The following C5orf58 variants were observed in gnomAD, a reference collection of about 807,000 sequenced individuals.
The protein encoded by C5orf58 is putative uncharacterized protein C5orf58.
C5orf58 carries 2 observed loss-of-function variants against 2.9 expected under a neutral mutation model. That is an observed-to-expected ratio of 0.69 (90% CI 0.28 to 2.18). The LOEUF (loss-of-function observed/expected upper bound fraction) is 2.18. Ranked by LOEUF, C5orf58 falls within the 30% of genes most tolerant of loss-of-function variation. The probability of loss-of-function intolerance (pLI) is 0.13; values close to 1 mark genes in which losing one functional copy is unlikely to be tolerated. For missense variants in C5orf58, 96 were observed against 91.7 expected (o/e 1.05, Z -0.19); for synonymous variants, 37 against 33.4 (o/e 1.11, Z -0.37).
intron 3 of C5orf58, chr5:170,237,382 T>C (rs1029651880): frequency 1.3e-5 from 5 of 398,058 alleles, no homozygotes; most frequent in African/African-American, 2.1e-5. Flanking sequence ...ACTATTGCCA[T>C]TGGCATTTAC....
At chr5:170,244,624 C>T (rs1761172263) in intron 3 of C5orf58, among the ~76,000 whole-genome samples, 1 of 151,956 alleles carries the variant, frequency 6.6e-6, no homozygotes, top group Non-Finnish European at 1.5e-5. Flanking sequence ...TGGTTTTCAG[C>T]TCCATCAGCT....
In C5orf58 at chr5:170,246,185, T is replaced by G; in HGVS notation, c.*72T>G. ...ATTTGGGAGAGTTGAGTTTACTAAT[T>G]TGTATATATATAATTTAAAACAAAA... On this transcript the variant is annotated 3_prime_UTR_variant, in exon 4 of 4. Coordinates refer to ENST00000593851, the MANE Select transcript of C5orf58 (RefSeq NM_001102609.3). The G allele has an allele frequency of 8.3e-7, 1 of 1,200,012 alleles. No homozygotes were observed. Among genetic ancestry groups the G allele is most frequent in the South Asian group, 1.5e-5 (1 of 67,586 alleles). 74.3% of individuals were successfully genotyped at this position (1,200,012 alleles called of 1,614,324 possible).
At chr5:170,251,615 A>G in intron 2 of C5orf58, 4 of 456,182 alleles carry the variant, frequency 8.8e-6, no homozygotes, top group African/African-American at 2.0e-5. Flanking sequence ...TGAGTTGGCA[A>G]TAATGACTTT....
intron 3 of C5orf58, among the ~76,000 whole-genome samples, chr5:170,243,965 G>A: frequency 6.9e-6 from 1 of 144,186 alleles, no homozygotes; most frequent in Non-Finnish European, 1.5e-5. Context: ...CTCTTTTAGG[G>A]CAGGCCTGGT....
downstream of C5orf58, chr5:170,252,472 G>T (rs770518472): frequency 5.7e-6 from 9 of 1,588,054 alleles, no homozygotes; most frequent in Non-Finnish European, 7.8e-6. Flanking sequence ...GCCTCTGGTC[G>T]GGTAATATAA....
At position 170,234,096 on chromosome 5, in the gene C5orf58, G is replaced by A. The variant is rs1394501627; in HGVS notation, c.-84-19G>A. 7.4e-7 allele frequency: 1 copy of A among 1,350,222 alleles called. No homozygotes were observed. 83.6% of individuals were successfully genotyped at this position (1,350,222 alleles called of 1,614,324 possible). On this transcript the variant is annotated intron_variant, in intron 1 of 3. Transcript: ENST00000593851. Reference sequence around the variant, plus strand: ...TAGATGCAAAGCGCATTTTATTAATGTCTGGGAAACAAAATTAGTTTTTTT... The same window carrying A: ...TAGATGCAAAGCGCATTTTATTAATATCTGGGAAACAAAATTAGTTTTTTT...
chr5:170,234,646 T>G (rs1760665124), intron 2 of C5orf58, among the ~76,000 whole-genome samples: 2 of 152,204 alleles, frequency 1.3e-5, no homozygotes, highest in South Asian at 4.1e-4. Flanking sequence ...GAGAAGATCT[T>G]AACACAAACG....
At position 170,246,103 on chromosome 5, in the gene C5orf58, T is replaced by C. The variant is rs1369420934; in HGVS notation, c.236T>C (p.Phe79Ser). Residue 79 changes from phenylalanine to serine, a missense_variant, in exon 4 of 4, where the codon TTT becomes TCT. Transcript: ENST00000593851. ...ISDVSLVSNS[F>S]SI ...GATGTATCCCTTGTTTCTAACAGTT[T>C]TTCTATCTGATTTCTTATTTGTTAT... is the stretch of plus-strand genomic sequence containing the variant. 1.2e-6 allele frequency: 2 copies of C among 1,608,940 alleles called. No homozygotes were observed. Among genetic ancestry groups the C allele is most frequent in the East Asian group, 4.5e-5 (2 of 44,812 alleles).
rs1410889770 is a variant in C5orf58, at chr5:170,240,255, T to A, written c.94+5185T>A. ...AAACATACGTGTGCATGTGTCTTTA[T>A]AGCAGCATGATTTATAGTCCTTTGG... On this transcript the variant is annotated intron_variant, in intron 3 of 3. Coordinates refer to ENST00000593851, the MANE Select transcript of C5orf58 (RefSeq NM_001102609.3). Among the ~76,000 whole-genome samples the A allele has an allele frequency of 3.3e-5, 5 of 149,956 alleles. 1 individual carries two copies. Among genetic ancestry groups the A allele is most frequent in the African/African-American group, 1.2e-4 (5 of 40,644 alleles).
At chr5:170,249,323 C>T (rs1378389509), downstream of C5orf58, among the ~76,000 whole-genome samples, 1 of 147,400 alleles carries the variant, frequency 6.8e-6, no homozygotes, top group African/African-American at 2.5e-5. Context: ...AAGGAAACTC[C>T]ATCTCAAAAA....
chr5:170,240,347 C>T (rs1280801733), intron 3 of C5orf58, among the ~76,000 whole-genome samples: 2 of 136,772 alleles, frequency 1.5e-5, no homozygotes, highest in South Asian at 5.1e-4. Flanking sequence ...TGAGGAATCG[C>T]CACACTGACT....
At chr5:170,245,301 C>G (rs1321975070) in intron 3 of C5orf58, among the ~76,000 whole-genome samples, 1 of 152,228 alleles carries the variant, frequency 6.6e-6, no homozygotes, top group Admixed American at 6.5e-5. Flanking sequence ...TGGGCTCCAC[C>G]CAGTTCGAGC....
chr5:170,251,775 G>C (rs1761448705), exon 3 of C5orf58: 1 of 387,708 alleles, frequency 2.6e-6, no homozygotes, highest in African/African-American at 2.1e-5. Flanking sequence ...AGCACCCCCA[G>C]AATAATTAGA....
chr5:170,249,042 C>T (rs1401422188), downstream of C5orf58, among the ~76,000 whole-genome samples: 1 of 152,132 alleles, frequency 6.6e-6, no homozygotes, highest in South Asian at 2.1e-4. Context: ...AAAATATGGG[C>T]CGGGTGCAGT....
At chr5:170,246,263 G>T (rs1761288465), downstream of C5orf58, 2 of 656,916 alleles carry the variant, frequency 3.0e-6, no homozygotes, top group Non-Finnish European at 4.8e-6. Context: ...TTAATGTTTT[G>T]AAGAATGGCT....
At chr5:170,250,028 TAACAG>T (rs1761398528), downstream of C5orf58, among the ~76,000 whole-genome samples, 1 of 152,234 alleles carries the variant, frequency 6.6e-6, no homozygotes, top group Non-Finnish European at 1.5e-5. Context: ...AACATTATCA[TAACAG>T]AAGTATGTGA....
intron 3 of C5orf58, among the ~76,000 whole-genome samples, chr5:170,239,529 A>G (rs77837697): frequency 7.2e-6 from 1 of 138,298 alleles, no homozygotes; most frequent in Non-Finnish European, 1.5e-5. Context: ...AGTGAGCTAT[A>G]AAAAAAAAAA....
chr5:170,239,723 C>T (rs1241618449), intron 3 of C5orf58, among the ~76,000 whole-genome samples: 1 of 151,944 alleles, frequency 6.6e-6, no homozygotes, highest in Non-Finnish European at 1.5e-5. Context: ...GGCTAAAGAG[C>T]ACCCTTTTAG....
Position 170,234,136 on chromosome 5 carries a change from A to G in C5orf58, c.-63A>G. On this transcript the variant is annotated 5_prime_UTR_variant, in exon 2 of 4. The change abolishes an upstream ATG in the 5' untranslated region. Transcript: ENST00000593851. ...TTAGTTTTTTTACAGTGGCTCTGAA[A>G]TGAGAGAAATTGCAGAAATTCTCCC... is the stretch of plus-strand genomic sequence containing the variant. The G allele has an allele frequency of 7.3e-7, 1 of 1,367,646 alleles. No individual in the cohort carries two copies. The highest frequency in any genetic ancestry group is 1.1e-5 in the South Asian group (1 of 88,054). 84.7% of individuals were successfully genotyped at this position (1,367,646 alleles called of 1,614,324 possible).
Sources: allele counts gnomAD v4.1 joint callset (sites outside exome capture counted in the v4.1 genomes callset), GRCh38; gene constraint gnomAD v4.1.1; transcripts MANE v1.5; gene names NCBI Gene and HGNC (gene_info 2026-07-23, HGNC 2026-07-21).